Variants in ZC3H13 observed in about 807,000 individuals in gnomAD.
ZC3H13 encodes the protein zinc finger CCCH-type containing 13, also known as zinc finger CCCH domain-containing protein 13.
Under a neutral mutation model 204.1 loss-of-function variants are expected in ZC3H13, and 64 were observed. That is an observed-to-expected ratio of 0.31 (90% CI 0.26 to 0.39). ZC3H13 has a LOEUF of 0.39. Among genes scored for constraint, ZC3H13 ranks in the 10% least tolerant of loss-of-function variants. The probability of loss-of-function intolerance (pLI) is 1.00; values close to 1 mark genes in which losing one functional copy is unlikely to be tolerated. For synonymous variants in ZC3H13, 667 were observed against 693.7 expected, an observed-to-expected ratio of 0.96 and a Z score of 0.60; for missense variants, 1,833 against 2,082.7, an observed-to-expected ratio of 0.88 and a Z score of 2.33.
At chr13:45,961,779 A>G (rs1951709288) in intron 17 of ZC3H13, among the ~76,000 whole-genome samples, 1 of 151,668 alleles carries the variant, frequency 6.6e-6, no homozygotes, top group Non-Finnish European at 1.5e-5. Context: ...GGGGATGAAT[A>G]CTCTATTTTC....
At chr13:46,046,690 CTA>C (rs1024031436) in intron 1 of ZC3H13, among the ~76,000 whole-genome samples, 4 of 150,672 alleles carry the variant, frequency 2.7e-5, no homozygotes, top group East Asian at 1.9e-4. Flanking sequence ...AAAACTCTCT[CTA>C]TATATATATA....
At chr13:45,993,630 A>T (rs934410346) in intron 8 of ZC3H13, among the ~76,000 whole-genome samples, 5 of 152,242 alleles carry the variant, frequency 3.3e-5, no homozygotes, top group African/African-American at 1.2e-4. Context: ...ATAGGTGGTT[A>T]AGTGCCATTT....
intron 5 of ZC3H13, among the ~76,000 whole-genome samples, chr13:46,019,266 A>G (rs2042086609): frequency 6.6e-6 from 1 of 152,194 alleles, no homozygotes; most frequent in Non-Finnish European, 1.5e-5. Flanking sequence ...GTTCTCTGTC[A>G]TAAAGACTCG....
At chr13:45,994,178 TTTC>T (rs1267972686) in intron 8 of ZC3H13, among the ~76,000 whole-genome samples, 2 of 152,250 alleles carry the variant, frequency 1.3e-5, no homozygotes, top group East Asian at 3.8e-4. Context: ...TTCTTAACAT[TTTC>T]TTTTCTCTAG....
chr13:46,010,179 T>C (rs1057056936), intron 7 of ZC3H13, 169 bp downstream of exon 7: 13 of 580,186 alleles, frequency 2.2e-5, no homozygotes, highest in Middle Eastern at 5.3e-4. Context: ...TGTTTTATTG[T>C]TCTCTATAAT....
At chr13:45,963,715 A>G in intron 17 of ZC3H13, 127 bp downstream of exon 17, 1 of 1,499,776 alleles carries the variant, frequency 6.7e-7, no homozygotes, top group East Asian at 2.3e-5. Flanking sequence ...TAATGATTAT[A>G]AAATGATTTC....
intron 7 of ZC3H13, among the ~76,000 whole-genome samples, chr13:46,007,515 C>G (rs988141060): frequency 4.6e-5 from 7 of 152,194 alleles, no homozygotes; most frequent in African/African-American, 1.7e-4. Context: ...AAATAACCTT[C>G]TGTTGTGTTA....
At chr13:46,035,767 A>G (rs1051170510) in intron 4 of ZC3H13, among the ~76,000 whole-genome samples, 1 of 152,228 alleles carries the variant, frequency 6.6e-6, no homozygotes, top group Non-Finnish European at 1.5e-5. Flanking sequence ...TCTCACCATA[A>G]CTTGTGATAA....
At chr13:45,989,314 G>T (rs1281883779) in intron 8 of ZC3H13, among the ~76,000 whole-genome samples, 1 of 152,150 alleles carries the variant, frequency 6.6e-6, no homozygotes, top group Non-Finnish European at 1.5e-5. Flanking sequence ...GAAGAGATAT[G>T]CAGTGCTTTT....
chr13:46,031,327 A>C (rs1456758032), intron 4 of ZC3H13, among the ~76,000 whole-genome samples: 1 of 152,122 alleles, frequency 6.6e-6, no homozygotes, highest in Non-Finnish European at 1.5e-5. Context: ...GTAAGACAAA[A>C]AAAATAAAAC....
intron 18 of ZC3H13, among the ~76,000 whole-genome samples, 178 bp from the exon 19 acceptor site, chr13:45,957,475 T>G (rs1233689693): frequency 6.6e-6 from 1 of 152,208 alleles, no homozygotes; most frequent in Non-Finnish European, 1.5e-5. Flanking sequence ...TCAATGAATC[T>G]TTGAAAAGAA....
chr13:45,999,177 G>T (rs973860338), intron 8 of ZC3H13, among the ~76,000 whole-genome samples: 1 of 152,120 alleles, frequency 6.6e-6, no homozygotes. Context: ...GATGGGAGGC[G>T]GAGGCTACAA....
intron 5 of ZC3H13, among the ~76,000 whole-genome samples, chr13:46,015,349 TG>T (rs199731282): frequency 0.014 from 2,082 of 152,300 alleles, 42 homozygotes; most frequent in African/African-American, 0.047. Context: ...CTTTTTCTTA[TG>T]TATTTGTAGA....
chr13:45,998,313 C>T (rs1394451176), intron 8 of ZC3H13, among the ~76,000 whole-genome samples: 1 of 152,088 alleles, frequency 6.6e-6, no homozygotes, highest in Non-Finnish European at 1.5e-5. Context: ...TATGTTTACA[C>T]TATACTGTAG....
At chr13:46,052,323 G>C (rs867689203) in intron 1 of ZC3H13, 81 bp downstream of exon 1, 49 of 390,126 alleles carry the variant, frequency 1.3e-4, no homozygotes, top group Middle Eastern at 6.5e-4. Context: ...GCAAAGACGG[G>C]GGGGGGTAAC....
chr13:45,963,620 T>A, intron 17 of ZC3H13: 1 of 1,348,782 alleles, frequency 7.4e-7, no homozygotes, highest in East Asian at 3.0e-5. Flanking sequence ...AAAAAGGTCA[T>A]TGTACTCTTT....
intron 14 of ZC3H13, 53 bp from the exon 15 acceptor site, chr13:45,968,081 A>T: frequency 6.7e-7 from 1 of 1,489,176 alleles, no homozygotes; most frequent in Non-Finnish European, 8.9e-7. Context: ...TAAAATAGAA[A>T]CAAAATGCTT....
chr13:46,042,127 C>T (rs1347718863), intron 4 of ZC3H13, 37 bp downstream of exon 4: 5 of 1,508,848 alleles, frequency 3.3e-6, no homozygotes, highest in Middle Eastern at 1.7e-4. Flanking sequence ...CAAATCACTA[C>T]TGAAGTTGAA....
At chr13:46,023,462 A>G (rs966879791) in intron 4 of ZC3H13, among the ~76,000 whole-genome samples, 5 of 152,142 alleles carry the variant, frequency 3.3e-5, no homozygotes, top group Non-Finnish European at 5.9e-5. Flanking sequence ...CCCTTTCTTC[A>G]TCATTCTGTC....
Sources: gnomAD v4.1 joint callset for allele counts (sites outside exome capture counted in the v4.1 genomes callset) on GRCh38, gnomAD v4.1.1 for gene constraint, MANE v1.5 for transcripts, NCBI Gene and HGNC (gene_info 2026-07-23, HGNC 2026-07-21) for gene names.